The following SLC30A4 variants were observed in gnomAD, a reference collection of about 807,000 sequenced individuals.
SLC30A4 encodes the protein solute carrier family 30 member 4, also known as probable proton-coupled zinc antiporter SLC30A4.
SLC30A4 carries 20 observed loss-of-function variants against 41.7 expected under a neutral mutation model. The observed-to-expected ratio is 0.48, with a 90% CI of 0.34 to 0.70. The LOEUF (loss-of-function observed/expected upper bound fraction) is 0.70, where lower values mean the gene tolerates loss of function less well. Ranked by LOEUF, SLC30A4 falls within the 30% of genes least tolerant of loss-of-function variation. SLC30A4 has a pLI of 0.01. For synonymous variants in SLC30A4, 181 were observed against 195.9 expected, an observed-to-expected ratio of 0.92 and a Z score of 0.64; for missense variants, 441 against 529.3, an observed-to-expected ratio of 0.83 and a Z score of 1.64.
In SLC30A4 at chr15:45,484,198, T is replaced by C. The variant is rs1279040720; in HGVS notation, c.*965A>G. 1.3e-5 allele frequency: 2 copies of C among 152,644 alleles called. No homozygotes were observed. The highest frequency in any genetic ancestry group is 2.9e-5 in the Non-Finnish European group (2 of 68,032). 9.5% of individuals were successfully genotyped at this position (152,644 alleles called of 1,614,324 possible). ...TGAAAGGCTAAACACACAGATGACC[T>C]GGAGTGGAGGCAGGAACCAACGTAC... On this transcript the variant is annotated 3_prime_UTR_variant, in exon 8 of 8. Coordinates refer to ENST00000261867, the MANE Select transcript of SLC30A4 (RefSeq NM_013309.6).
intron 2 of SLC30A4, among the ~76,000 whole-genome samples, chr15:45,511,731 G>A (rs1040149143): frequency 6.6e-6 from 1 of 152,186 alleles, no homozygotes; most frequent in Non-Finnish European, 1.5e-5. Flanking sequence ...TGATCCACTC[G>A]CCTCGGCCTT....
chr15:45,493,692 G>GGCGGGCCCCTGTA (rs1421258778), intron 3 of SLC30A4, among the ~76,000 whole-genome samples: 2 of 152,122 alleles, frequency 1.3e-5, no homozygotes, highest in African/African-American at 4.8e-5. Context: ...TGGGCGTGGT[G>GGCGGGCCCCTGTA]GCGGGCCCCT....
At chr15:45,519,096 C>T (rs1892586698) in intron 2 of SLC30A4, among the ~76,000 whole-genome samples, 1 of 151,466 alleles carries the variant, frequency 6.6e-6, no homozygotes, top group African/African-American at 2.4e-5. Flanking sequence ...GGCCAGGCTG[C>T]TCTCAAACTC....
intron 2 of SLC30A4, chr15:45,514,052 C>T (rs1477156388): frequency 1.3e-5 from 2 of 152,240 alleles, no homozygotes; most frequent in Non-Finnish European, 2.9e-5. Flanking sequence ...CTCTTTCAAT[C>T]TAGAAATGTG....
intron 3 of SLC30A4, among the ~76,000 whole-genome samples, chr15:45,507,048 GC>G (rs1286674428): frequency 1.3e-5 from 2 of 151,984 alleles, no homozygotes; most frequent in East Asian, 3.9e-4. Context: ...TTGGCTGGGG[GC>G]GGTGGCTCAT....
chr15:45,522,305 T>A lies in SLC30A4; in HGVS notation c.50A>T (p.Asp17Val). 2 of 1,613,984 alleles carry A rather than the reference T, an allele frequency of 1.2e-6. No homozygotes were observed. Among genetic ancestry groups the A allele is most frequent in the Non-Finnish European group, 1.7e-6 (2 of 1,180,016 alleles). The change falls in exon 2 of 8, where the codon GAT (aspartate) becomes GTT (valine). Residue 17 changes from aspartate (D) to valine (V), a missense_variant. This residue lies in a region of SLC30A4 where 312 missense variants were observed against 341.9 expected (regional missense o/e 0.91). Coordinates refer to ENST00000261867, the MANE Select transcript of SLC30A4 (RefSeq NM_013309.6). ...GTCATTTAAAAACAGCGGCGCATCATCCTTCCTTAGCATAGATTTGAGGCG... is the reference window on the plus strand; with the variant it reads ...GTCATTTAAAAACAGCGGCGCATCAACCTTCCTTAGCATAGATTTGAGGCG... ...WKRLKSMLRK[D>V]DAPLFLNDTS...
At chr15:45,514,395 T>C (rs1892401613) in intron 2 of SLC30A4, among the ~76,000 whole-genome samples, 1 of 150,714 alleles carries the variant, frequency 6.6e-6, no homozygotes, top group South Asian at 2.1e-4. Context: ...GAAATGTGTA[T>C]CCTCCAGCTA....
At chr15:45,515,909 CCTA>C (rs1469012584) in intron 2 of SLC30A4, 1 of 151,904 alleles carries the variant, frequency 6.6e-6, no homozygotes, top group African/African-American at 2.4e-5. Context: ...ACCACCATGC[CCTA>C]CTATTTTTCT....
intron 3 of SLC30A4, among the ~76,000 whole-genome samples, chr15:45,493,619 A>G (rs1344974893): frequency 2.0e-5 from 3 of 152,160 alleles, no homozygotes; most frequent in Admixed American, 6.5e-5. Context: ...CAAGGTCAGG[A>G]GTTCGAGACC....
intron 1 of SLC30A4, 62 bp downstream of exon 1, chr15:45,522,545 C>A: frequency 1.8e-6 from 1 of 546,708 alleles, no homozygotes; most frequent in South Asian, 3.4e-5. Context: ...GGCGGCGGGT[C>A]GCAGGGCCGA....
At chr15:45,507,535 TG>T (rs1301428569) in intron 3 of SLC30A4, among the ~76,000 whole-genome samples, 2 of 150,306 alleles carry the variant, frequency 1.3e-5, no homozygotes, top group African/African-American at 4.9e-5. Flanking sequence ...TTGCCCAGGC[TG>T]GAGTGCAGTG....
chr15:45,484,485 A>C lies in SLC30A4; in HGVS notation c.*678T>G, dbSNP rs1891660760. 1 of 152,264 alleles carries C rather than the reference A, an allele frequency of 6.6e-6. No homozygotes were observed. Among genetic ancestry groups the C allele is most frequent in the Admixed American group, 6.5e-5 (1 of 15,280 alleles). 9.4% of individuals were successfully genotyped at this position (152,264 alleles called of 1,614,324 possible). On this transcript the variant is annotated 3_prime_UTR_variant, in exon 8 of 8. Coordinates refer to ENST00000261867, the MANE Select transcript of SLC30A4 (RefSeq NM_013309.6). ...TAAATCATTTAATAACAGTGACCAC[A>C]ATAAATAAAGATTTGGTTCTAAGAT...
At chr15:45,512,192 T>C (rs868442008) in intron 2 of SLC30A4, among the ~76,000 whole-genome samples, 2 of 152,312 alleles carry the variant, frequency 1.3e-5, no homozygotes, top group South Asian at 4.1e-4. Context: ...TATTGTCCCA[T>C]AATGGACAAC....
intron 2 of SLC30A4, among the ~76,000 whole-genome samples, chr15:45,518,230 T>G (rs1208872839): frequency 6.6e-6 from 1 of 152,210 alleles, no homozygotes; most frequent in Non-Finnish European, 1.5e-5. Flanking sequence ...TTGGCTTAAA[T>G]GTACCTGGTC....
chr15:45,486,809 C>A, intron 6 of SLC30A4, 64 bp from the exon 7 acceptor site: 1 of 916,682 alleles, frequency 1.1e-6, no homozygotes, highest in South Asian at 2.2e-5. Flanking sequence ...TTTACATTAC[C>A]GATGACATTT....
chr15:45,487,703 A>C, intron 5 of SLC30A4, 71 bp from the exon 6 acceptor site: 1 of 721,914 alleles, frequency 1.4e-6, no homozygotes, highest in Non-Finnish European at 2.5e-6. Flanking sequence ...CAAAGCAAGG[A>C]ATATGTCCCT....
chr15:45,505,801 A>G (rs188656453), intron 3 of SLC30A4, among the ~76,000 whole-genome samples: 1 of 152,326 alleles, frequency 6.6e-6, no homozygotes, highest in East Asian at 1.9e-4. Context: ...CTAGAAACCA[A>G]TTAAAAGGGT....
chr15:45,504,211 T>C (rs941975139), intron 3 of SLC30A4, among the ~76,000 whole-genome samples: 1 of 152,206 alleles, frequency 6.6e-6, no homozygotes, highest in Admixed American at 6.5e-5. Flanking sequence ...GTGAATAGCA[T>C]ATAACAACAT....
chr15:45,485,371 A>G, intron 7 of SLC30A4, 54 bp from the exon 8 acceptor site: 1 of 1,288,888 alleles, frequency 7.8e-7, no homozygotes, highest in East Asian at 2.4e-5. Context: ...CATCTTGAAT[A>G]AGATACAGGG....
Sources: allele counts gnomAD v4.1 joint callset (sites outside exome capture counted in the v4.1 genomes callset), GRCh38; gene constraint gnomAD v4.1.1; regional missense constraint gnomAD v4.1.1; transcripts MANE v1.5; gene names NCBI Gene and HGNC (gene_info 2026-07-23, HGNC 2026-07-21).